CAMTA1: variants seen among roughly 807,000 people sequenced by gnomAD.
CAMTA1 encodes calmodulin binding transcription activator 1.
Under a neutral mutation model 170.9 loss-of-function variants are expected in CAMTA1, and 27 were observed. The ratio of observed to expected loss-of-function variants is 0.16; its 90% CI spans 0.12 to 0.22. The LOEUF (loss-of-function observed/expected upper bound fraction) is 0.22. CAMTA1 is among the 10% of genes least tolerant of loss of function. The pLI, the probability that CAMTA1 is intolerant of heterozygous loss-of-function variation, is 1.00. For synonymous variants in CAMTA1, 833 were observed against 891.5 expected (o/e 0.93, Z 1.17); for missense variants, 1,619 against 2,217.2 (o/e 0.73, Z 5.42).
intron 1 of CAMTA1, among the ~76,000 whole-genome samples, chr1:6,798,168 G>C (rs1311426147): frequency 6.6e-6 from 1 of 151,566 alleles, no homozygotes; most frequent in African/African-American, 2.4e-5. Context: ...GCTAATTTTT[G>C]TATTTTTAGT....
chr1:7,551,679 C>T (rs1405925462), intron 6 of CAMTA1, among the ~76,000 whole-genome samples: 1 of 152,212 alleles, frequency 6.6e-6, no homozygotes, highest in East Asian at 1.9e-4. Context: ...CCTGATCAGG[C>T]CTGGGTCCCC....
At chr1:7,758,608 G>C (rs1244066415) in intron 22 of CAMTA1, among the ~76,000 whole-genome samples, 1 of 152,224 alleles carries the variant, frequency 6.6e-6, no homozygotes, top group Non-Finnish European at 1.5e-5. Context: ...CTCTGAGGAA[G>C]ATTTATAGTC....
intron 4 of CAMTA1, among the ~76,000 whole-genome samples, chr1:7,128,705 A>C (rs536364546): frequency 2.7e-4 from 41 of 150,864 alleles, no homozygotes; most frequent in African/African-American, 9.0e-4. Context: ...CCCAGGCTGG[A>C]GTGCAGTGGC....
intron 6 of CAMTA1, among the ~76,000 whole-genome samples, chr1:7,578,905 C>T (rs1320130829): frequency 6.6e-6 from 1 of 152,214 alleles, no homozygotes; most frequent in Non-Finnish European, 1.5e-5. Flanking sequence ...AAATTTCTAA[C>T]ACATGAGCTT....
At chr1:7,335,165 G>GTGT in intron 5 of CAMTA1, among the ~76,000 whole-genome samples, 1 of 33,220 alleles carries the variant, frequency 3.0e-5, no homozygotes, top group East Asian at 1.5e-3. Flanking sequence ...GGGTGGGGGT[G>GTGT]GGGGGTGTCA....
chr1:7,109,980 C>G (rs1342910727), intron 4 of CAMTA1, among the ~76,000 whole-genome samples: 1 of 152,208 alleles, frequency 6.6e-6, no homozygotes, highest in Non-Finnish European at 1.5e-5. Flanking sequence ...GCCTCAGTGG[C>G]TCTGCTGCCT....
chr1:7,005,815 C>A (rs957009185), intron 3 of CAMTA1, among the ~76,000 whole-genome samples: 1 of 152,306 alleles, frequency 6.6e-6, no homozygotes, highest in South Asian at 2.1e-4. Flanking sequence ...TACTTTGAGT[C>A]CTGTGTACTT....
intron 6 of CAMTA1, among the ~76,000 whole-genome samples, chr1:7,559,819 G>C (rs934080083): frequency 6.6e-6 from 1 of 151,948 alleles, no homozygotes; most frequent in Admixed American, 6.5e-5. Flanking sequence ...GATCTGGGCT[G>C]AACTTCCAGC....
chr1:7,012,743 C>T (rs958684219), intron 3 of CAMTA1, among the ~76,000 whole-genome samples: 7 of 152,122 alleles, frequency 4.6e-5, no homozygotes, highest in Non-Finnish European at 7.4e-5. Flanking sequence ...TCCTCAGTTT[C>T]CCCCCACTCT....
chr1:6,811,623 T>G (rs190418038), intron 1 of CAMTA1, among the ~76,000 whole-genome samples: 1 of 152,356 alleles, frequency 6.6e-6, no homozygotes, highest in Admixed American at 6.5e-5. Context: ...TGAAGCATAT[T>G]AGAGCTGTGA....
At chr1:7,284,178 T>TTCTTCC (rs1279292798) in intron 5 of CAMTA1, among the ~76,000 whole-genome samples, 3 of 69,142 alleles carry the variant, frequency 4.3e-5, no homozygotes, top group Non-Finnish European at 5.9e-5. Context: ...CTTCTTCTTC[T>TTCTTCC]TATTATTATT....
chr1:7,322,462 G>A (rs373925270), intron 5 of CAMTA1, among the ~76,000 whole-genome samples: 128 of 152,338 alleles, frequency 8.4e-4, no homozygotes, highest in African/African-American at 2.5e-3. Context: ...AAATGAATGC[G>A]TGTGGCTATG....
chr1:6,985,314 C>T (rs916273982), intron 3 of CAMTA1, among the ~76,000 whole-genome samples: 3 of 152,234 alleles, frequency 2.0e-5, no homozygotes, highest in Non-Finnish European at 2.9e-5. Flanking sequence ...ATGGGAGGAG[C>T]TGGCATCTGA....
chr1:6,901,316 C>T (rs1437287286), intron 3 of CAMTA1, among the ~76,000 whole-genome samples: 1 of 152,140 alleles, frequency 6.6e-6, no homozygotes, highest in Non-Finnish European at 1.5e-5. Context: ...GTTTTCATGA[C>T]CTTGGGTTAG....
intron 5 of CAMTA1, among the ~76,000 whole-genome samples, chr1:7,418,728 C>A (rs369398015): frequency 1.3e-5 from 2 of 152,358 alleles, no homozygotes; most frequent in South Asian, 4.1e-4. Flanking sequence ...TTCACTGCAG[C>A]CTGCCCATCT....
intron 5 of CAMTA1, among the ~76,000 whole-genome samples, chr1:7,392,916 G>A (rs2088888057): frequency 6.6e-6 from 1 of 151,920 alleles, no homozygotes; most frequent in Non-Finnish European, 1.5e-5. Flanking sequence ...GAGTGTGGTG[G>A]TTAGTGCACA....
intron 5 of CAMTA1, among the ~76,000 whole-genome samples, chr1:7,288,530 G>T (rs2149490013): frequency 6.6e-6 from 1 of 152,308 alleles, no homozygotes; most frequent in East Asian, 1.9e-4. Flanking sequence ...GTTTGGGGTT[G>T]TGGGCATGGA....
chr1:7,583,707 C>A (rs150303752), intron 6 of CAMTA1, among the ~76,000 whole-genome samples: 4 of 152,144 alleles, frequency 2.6e-5, no homozygotes, highest in African/African-American at 9.7e-5. Flanking sequence ...GGCTCTGTCC[C>A]GTCCCAAGTC....
chr1:6,999,579 T>C (rs913016059), intron 3 of CAMTA1, among the ~76,000 whole-genome samples: 2 of 152,152 alleles, frequency 1.3e-5, no homozygotes, highest in African/African-American at 4.8e-5. Context: ...GACGGGGCTT[T>C]CCCATGTTGC....
Sources: allele counts gnomAD v4.1 joint callset (sites outside exome capture counted in the v4.1 genomes callset), GRCh38; gene constraint gnomAD v4.1.1; transcripts MANE v1.5; gene names NCBI Gene and HGNC (gene_info 2026-07-23, HGNC 2026-07-21).